Variants in EYA3 observed in about 807,000 individuals in gnomAD.
EYA3 encodes EYA transcriptional coactivator and phosphatase 3.
In EYA3, 39 loss-of-function variants were observed where a neutral mutation model predicts 80.0. That is an observed-to-expected ratio of 0.49 (90% CI 0.38 to 0.64). EYA3 has a LOEUF of 0.64. EYA3 is among the 30% of genes least tolerant of loss of function. The pLI is 0.00. For missense variants in EYA3, 523 were observed against 676.1 expected, an observed-to-expected ratio of 0.77 and a Z score of 2.51; for synonymous variants, 206 against 232.8, an observed-to-expected ratio of 0.88 and a Z score of 1.05.
At chr1:28,062,683 T>TGTGC (rs1644677237) in intron 1 of EYA3, among the ~76,000 whole-genome samples, 1 of 151,610 alleles carries the variant, frequency 6.6e-6, no homozygotes, top group Admixed American at 6.6e-5. Flanking sequence ...TGTGTGTGTG[T>TGTGC]GTGTGTGTGT....
In EYA3 at chr1:27,975,860, G is replaced by T. The variant is rs148719787; in HGVS notation, c.1642-1314C>A. Among the ~76,000 whole-genome samples, 45 of 152,188 alleles carry T rather than the reference G, an allele frequency of 3.0e-4. 1 individual carries two copies. The East Asian group carries it at 7.3e-3, about 25-fold the overall frequency. On this transcript the variant is annotated intron_variant, in intron 17 of 17. Coordinates refer to ENST00000373871, the MANE Select transcript of EYA3 (RefSeq NM_001990.4). ...CTCACTCTTTTGCCCAGGCTGGGGT[G>T]CAGTGGTGCTATCTCAGCTCACTGC... is the stretch of plus-strand genomic sequence containing the variant.
chr1:28,073,103 T>TTATATATACATATACATATATATATA (rs1553157587), intron 1 of EYA3, among the ~76,000 whole-genome samples: 5 of 37,760 alleles, frequency 1.3e-4, no homozygotes, highest in Admixed American at 2.8e-4. Context: ...GATGAAACTA[T>TTATATATACATATACATATATATATA]TATATATATA....
At chr1:27,988,416 G>T in intron 16 of EYA3, 119 bp downstream of exon 16, 1 of 1,112,088 alleles carries the variant, frequency 9.0e-7, no homozygotes, top group Non-Finnish European at 1.3e-6. Flanking sequence ...AGACTGTTGT[G>T]AGGACTGTAG....
intron 2 of EYA3, 27 bp downstream of exon 2, chr1:28,057,967 C>G (rs1644491090): frequency 6.8e-7 from 1 of 1,477,064 alleles, no homozygotes; most frequent in Non-Finnish European, 9.3e-7. Context: ...CTACAATCAA[C>G]TTTAAACTGT....
intron 2 of EYA3, among the ~76,000 whole-genome samples, chr1:28,057,259 T>C (rs1188263145): frequency 6.6e-6 from 1 of 152,132 alleles, no homozygotes; most frequent in Non-Finnish European, 1.5e-5. Context: ...TTCAAATTTT[T>C]ATAGGTTAGA....
chr1:28,012,694 CA>C (rs1295315717), intron 9 of EYA3, among the ~76,000 whole-genome samples: 1 of 152,138 alleles, frequency 6.6e-6, no homozygotes, highest in Non-Finnish European at 1.5e-5. Context: ...GGAAAAGGAC[CA>C]TGCTTTCCTC....
chr1:28,070,415 A>G (rs1644981411), intron 1 of EYA3, among the ~76,000 whole-genome samples: 1 of 152,088 alleles, frequency 6.6e-6, no homozygotes, highest in South Asian at 2.1e-4. Flanking sequence ...TACAAAAATT[A>G]GCCAGGCGTG....
Position 27,972,463 on chromosome 1 carries a change from A to G in EYA3, c.*2003T>C, listed in dbSNP as rs913420425. ...CACGAGTTATGAGCGCTTTTCAATG[A>G]GTTCTGAAGGAATGTGTATACCAGC... On this transcript the variant is annotated 3_prime_UTR_variant, in exon 18 of 18. Transcript: ENST00000373871. The G allele has an allele frequency of 6.6e-6, 1 of 152,206 alleles. No individual in the cohort carries two copies. The highest frequency in any genetic ancestry group is 3.2e-3 in the Middle Eastern group (1 of 316). The allele number at this position is 152,206 out of a possible 1,614,324, so 9.4% of individuals were successfully genotyped here. A position where few individuals can be genotyped will look rare whatever the true frequency, so the allele number is the denominator to read the frequency against.
chr1:28,077,491 A>C (rs1029155224), intron 1 of EYA3, among the ~76,000 whole-genome samples: 17 of 152,196 alleles, frequency 1.1e-4, no homozygotes, highest in African/African-American at 4.1e-4. Flanking sequence ...GAGGAGGTTA[A>C]CCTGAATTAG....
At chr1:28,063,291 TTATATA>T (rs751334336) in intron 1 of EYA3, among the ~76,000 whole-genome samples, 1 of 134,246 alleles carries the variant, frequency 7.4e-6, no homozygotes. Context: ...CCAAAGTGCC[TTATATA>T]TATATATATT....
chr1:27,986,462 G>C (rs796812474), intron 16 of EYA3, among the ~76,000 whole-genome samples: 57 of 146,344 alleles, frequency 3.9e-4, no homozygotes, highest in African/African-American at 1.3e-3. Context: ...GCAGTAGCGC[G>C]ATCTCGGCTC....
chr1:28,039,561 C>T (rs1643656966), intron 4 of EYA3, among the ~76,000 whole-genome samples: 1 of 152,180 alleles, frequency 6.6e-6, no homozygotes, highest in Admixed American at 6.5e-5. Flanking sequence ...CCCATGACTT[C>T]ATCTGGAATA....
intron 5 of EYA3, among the ~76,000 whole-genome samples, chr1:28,038,391 G>A (rs1298819351): frequency 3.5e-5 from 5 of 143,086 alleles, no homozygotes; most frequent in East Asian, 4.1e-4. Context: ...AGCCAAGATC[G>A]TGCCACTGCA....
chr1:28,087,831 C>T (rs2148972290), intron 1 of EYA3, among the ~76,000 whole-genome samples: 2 of 152,336 alleles, frequency 1.3e-5, no homozygotes, highest in East Asian at 3.9e-4. Context: ...AGCCCCAAAA[C>T]TGAGGTAAAG....
At chr1:28,045,014 C>T (rs536846494) in intron 3 of EYA3, among the ~76,000 whole-genome samples, 6 of 152,272 alleles carry the variant, frequency 3.9e-5, no homozygotes, top group South Asian at 2.1e-4. Flanking sequence ...TCAAGCAATC[C>T]GTCCACCTCA....
At chr1:27,988,408 A>G (rs112499655) in intron 16 of EYA3, 127 bp downstream of exon 16, 1 of 1,027,698 alleles carries the variant, frequency 9.7e-7, no homozygotes, top group Non-Finnish European at 1.4e-6. Context: ...ATATTAGAAG[A>G]CTGTTGTGAG....
At chr1:28,081,455 G>A (rs1645425915) in intron 1 of EYA3, among the ~76,000 whole-genome samples, 1 of 152,102 alleles carries the variant, frequency 6.6e-6, no homozygotes, top group African/African-American at 2.4e-5. Context: ...ATTTAAAAGA[G>A]AAAAATTCAG....
chr1:27,978,602 G>T, intron 16 of EYA3, 128 bp from the exon 17 acceptor site: 1 of 667,208 alleles, frequency 1.5e-6, no homozygotes. Flanking sequence ...TAGTTTGCTT[G>T]CTGGGGAGTA....
chr1:28,064,410 C>A (rs1431375704), intron 1 of EYA3, among the ~76,000 whole-genome samples: 1 of 143,756 alleles, frequency 7.0e-6, no homozygotes, highest in East Asian at 2.0e-4. Flanking sequence ...ATAGAGCCTG[C>A]GAGACAGCGA....
Sources: gnomAD v4.1 joint callset for allele counts (sites outside exome capture counted in the v4.1 genomes callset) on GRCh38, gnomAD v4.1.1 for gene constraint, MANE v1.5 for transcripts, NCBI Gene and HGNC (gene_info 2026-07-23, HGNC 2026-07-21) for gene names.